The following ABI3BP variants were observed in gnomAD, a reference collection of about 807,000 sequenced individuals.
ABI3BP encodes the protein ABI family member 3 binding protein, also known as target of Nesh-SH3.
A neutral mutation model predicts 268.6 loss-of-function variants in ABI3BP; 216 were observed. The observed-to-expected ratio is 0.80, with a 90% CI of 0.72 to 0.90. ABI3BP has a LOEUF of 0.90. Among genes scored for constraint, ABI3BP ranks in the 40% least tolerant of loss-of-function variants. ABI3BP has a pLI of 0.00. For missense variants in ABI3BP, 2,090 were observed against 2,182.4 expected (o/e 0.96, Z 0.84); for synonymous variants, 730 against 730.0 (o/e 1.00, Z 0.00).
intron 62 of ABI3BP, among the ~76,000 whole-genome samples, chr3:100,767,177 C>T (rs930633504): frequency 3.3e-5 from 5 of 152,094 alleles, no homozygotes; most frequent in African/African-American, 9.7e-5. Flanking sequence ...TGAGCTCAAG[C>T]GATCCACCCA....
At chr3:100,804,256 A>C (rs2097628986) in intron 51 of ABI3BP, among the ~76,000 whole-genome samples, 1 of 152,178 alleles carries the variant, frequency 6.6e-6, no homozygotes, top group Non-Finnish European at 1.5e-5. Flanking sequence ...ATTGGCAAAA[A>C]ACAGATTTGT....
At chr3:100,980,239 T>G (rs1250054500) in intron 1 of ABI3BP, among the ~76,000 whole-genome samples, 1 of 152,226 alleles carries the variant, frequency 6.6e-6, no homozygotes, top group African/African-American at 2.4e-5. Context: ...TATTTCTTTT[T>G]TCTTTTTTTT....
At chr3:100,936,327 G>A (rs963266098) in intron 1 of ABI3BP, among the ~76,000 whole-genome samples, 3 of 151,882 alleles carry the variant, frequency 2.0e-5, no homozygotes, top group Admixed American at 6.6e-5. Context: ...GGATGAAGCC[G>A]ACTTGATCGT....
intron 17 of ABI3BP, among the ~76,000 whole-genome samples, chr3:100,849,647 T>A (rs943609191): frequency 6.6e-6 from 1 of 152,236 alleles, no homozygotes; most frequent in Admixed American, 6.5e-5. Flanking sequence ...TTCTTCATCA[T>A]GTCCAGGACT....
intron 1 of ABI3BP, among the ~76,000 whole-genome samples, chr3:100,944,238 T>G (rs1219044419): frequency 6.6e-6 from 1 of 152,192 alleles, no homozygotes; most frequent in African/African-American, 2.4e-5. Flanking sequence ...TTAAAAATCC[T>G]GTCCTTACAA....
chr3:100,798,446 C>G (rs1331940366), intron 51 of ABI3BP, among the ~76,000 whole-genome samples: 1 of 151,962 alleles, frequency 6.6e-6, no homozygotes, highest in Non-Finnish European at 1.5e-5. Context: ...TTAAATTGAA[C>G]AAGAGCACGG....
chr3:100,933,297 T>A (rs534226236), intron 1 of ABI3BP, among the ~76,000 whole-genome samples: 2 of 152,014 alleles, frequency 1.3e-5, no homozygotes, highest in Admixed American at 1.3e-4. Flanking sequence ...AGTAAAAGAA[T>A]AGCTATAATA....
chr3:100,847,454 G>T (rs1338053780), intron 19 of ABI3BP, 148 bp downstream of exon 19: 2 of 693,168 alleles, frequency 2.9e-6, no homozygotes, highest in Non-Finnish European at 5.1e-6. Context: ...TAGCCATGGA[G>T]CTGGTGCACT....
intron 57 of ABI3BP, among the ~76,000 whole-genome samples, chr3:100,785,550 G>A (rs1438110631): frequency 4.6e-5 from 7 of 152,230 alleles, no homozygotes; most frequent in Non-Finnish European, 4.4e-5. Context: ...TATAATTTCT[G>A]AATTTTATGC....
At chr3:100,751,382 GC>G (rs2149199345) in intron 67 of ABI3BP, among the ~76,000 whole-genome samples, 169 bp downstream of exon 67, 1 of 152,018 alleles carries the variant, frequency 6.6e-6, no homozygotes, top group Non-Finnish European at 1.5e-5. Flanking sequence ...ATTTCCCTTG[GC>G]TCCAGGTTTC....
At chr3:100,767,612 A>C (rs76661680) in intron 62 of ABI3BP, among the ~76,000 whole-genome samples, 1 of 151,338 alleles carries the variant, frequency 6.6e-6, no homozygotes, top group African/African-American at 2.4e-5. Context: ...AAAAAAAAAA[A>C]GGAAACCAAA....
rs548100555 is a variant in ABI3BP, at chr3:100,764,372, G to T, written c.4850+1469C>A. 5.4e-4 allele frequency among the ~76,000 whole-genome samples: 82 copies of T among 152,288 alleles called. 1 individual carries two copies. In the South Asian group the frequency reaches 5.4e-3, roughly 10 times the overall value. On this transcript the variant is annotated intron_variant, in intron 63 of 67. Coordinates refer to ENST00000471714, the MANE Select transcript of ABI3BP (RefSeq NM_001375547.2). ...CTCTCCTCTAGCCTTGAGTTCAAGGGCAGCCACCATGTTTATTCGTGTGTG... is the reference window on the plus strand; with the variant it reads ...CTCTCCTCTAGCCTTGAGTTCAAGGTCAGCCACCATGTTTATTCGTGTGTG...
intron 57 of ABI3BP, among the ~76,000 whole-genome samples, chr3:100,784,972 A>C (rs1339567882): frequency 1.3e-5 from 2 of 152,178 alleles, no homozygotes; most frequent in Non-Finnish European, 2.9e-5. Context: ...TAAAATCTCA[A>C]ATTCAACACT....
At chr3:100,926,227 A>G (rs545632581) in intron 2 of ABI3BP, 75 bp downstream of exon 2, 39 of 1,473,176 alleles carry the variant, frequency 2.6e-5, no homozygotes, top group Non-Finnish European at 3.5e-5. Flanking sequence ...TCTTGACATC[A>G]AGATTTGTAG....
intron 27 of ABI3BP, among the ~76,000 whole-genome samples, chr3:100,836,383 G>C (rs1470554362): frequency 6.6e-6 from 1 of 151,992 alleles, no homozygotes; most frequent in African/African-American, 2.4e-5. Flanking sequence ...AACCCAGAAG[G>C]CTAAATGTAA....
At chr3:100,868,437 C>T (rs6791045) in intron 9 of ABI3BP, among the ~76,000 whole-genome samples, 8 of 152,170 alleles carry the variant, frequency 5.3e-5, no homozygotes, top group Non-Finnish European at 8.8e-5. Context: ...TTTTCACACT[C>T]AAAATTCTTT....
rs1331334899 is a variant in ABI3BP, at chr3:100,829,589, G to T, written c.2534C>A (p.Thr845Asn). 5.2e-6 allele frequency: 8 copies of T among 1,535,474 alleles called. No individual in the cohort carries two copies. Among genetic ancestry groups the T allele is most frequent in the Non-Finnish European group, 7.0e-6 (8 of 1,146,300 alleles). The change falls in exon 33 of 68, where the codon ACT becomes AAT. Residue 845 changes from threonine (T) to asparagine (N), a missense_variant. Coordinates refer to ENST00000471714, the MANE Select transcript of ABI3BP (RefSeq NM_001375547.2). ...KTTLSPEELQTELVPATIFEP... is the reference protein window; with the variant it reads ...KTTLSPEELQNELVPATIFEP... ...ATGACCTACAAATTTACCCAGTTCA[G>T]TCTGAAGCTCTTCGGGACTCAGTGT...
intron 8 of ABI3BP, among the ~76,000 whole-genome samples, chr3:100,875,224 G>A (rs1186434076): frequency 6.6e-6 from 1 of 152,146 alleles, no homozygotes; most frequent in African/African-American, 2.4e-5. Flanking sequence ...CAATAACAAT[G>A]ATTTTTAAAA....
chr3:100,925,481 C>T lies in ABI3BP; in HGVS notation c.259+821G>A, dbSNP rs548290484. ...AGGCTGGAGTGCAGTGATGTTATCACGGCTCACTGCAGCCTCAGCCTCCCC... is the reference window on the plus strand; with the variant it reads ...AGGCTGGAGTGCAGTGATGTTATCATGGCTCACTGCAGCCTCAGCCTCCCC... On this transcript the variant is annotated intron_variant, in intron 2 of 67. Coordinates refer to ENST00000471714, the MANE Select transcript of ABI3BP (RefSeq NM_001375547.2). 1.8e-4 allele frequency among the ~76,000 whole-genome samples: 28 copies of T among 152,076 alleles called. No homozygotes were observed. The South Asian group carries it at 4.8e-3, about 26-fold the overall frequency.
Sources: allele counts gnomAD v4.1 joint callset (sites outside exome capture counted in the v4.1 genomes callset), GRCh38; gene constraint gnomAD v4.1.1; transcripts MANE v1.5; gene names NCBI Gene and HGNC (gene_info 2026-07-23, HGNC 2026-07-21).